Variants in TDRD9 observed in about 807,000 individuals in gnomAD.
TDRD9 encodes ATP-dependent RNA helicase TDRD9.
Under a neutral mutation model 172.6 loss-of-function variants are expected in TDRD9, and 124 were observed. The ratio of observed to expected loss-of-function variants is 0.72; its 90% CI spans 0.62 to 0.83. The LOEUF is 0.83. TDRD9 is among the 40% of genes least tolerant of loss of function. TDRD9 has a pLI of 0.00. For missense variants in TDRD9, 1,479 were observed against 1,714.1 expected (o/e 0.86, Z 2.42); for synonymous variants, 619 against 617.1 (o/e 1.00, Z -0.05).
At chr14:104,005,744 G>T (rs2152217931) in intron 15 of TDRD9, among the ~76,000 whole-genome samples, 1 of 152,326 alleles carries the variant, frequency 6.6e-6, no homozygotes, top group Middle Eastern at 3.4e-3. Flanking sequence ...TACATACTGT[G>T]CTGGGGCTGT....
At chr14:103,956,264 C>A (rs1271127823) in intron 2 of TDRD9, among the ~76,000 whole-genome samples, 2 of 148,962 alleles carry the variant, frequency 1.3e-5, no homozygotes, top group Non-Finnish European at 3.0e-5. Flanking sequence ...AGGGTAAAAC[C>A]CCGTCTCTAC....
At chr14:103,936,729 T>C (rs934998887) in intron 1 of TDRD9, among the ~76,000 whole-genome samples, 3 of 152,254 alleles carry the variant, frequency 2.0e-5, no homozygotes, top group African/African-American at 7.2e-5. Flanking sequence ...TCCTGACTTT[T>C]CAACCTTACT....
chr14:104,023,290 T>G (rs932236446), intron 24 of TDRD9, among the ~76,000 whole-genome samples: 3 of 151,438 alleles, frequency 2.0e-5, no homozygotes, highest in Admixed American at 6.6e-5. Flanking sequence ...TAGTAGGGAT[T>G]AAATCTAATG....
At chr14:103,983,919 T>C (rs1331509545) in intron 7 of TDRD9, among the ~76,000 whole-genome samples, 1 of 152,118 alleles carries the variant, frequency 6.6e-6, no homozygotes, top group Non-Finnish European at 1.5e-5. Flanking sequence ...GCTGAGGTGG[T>C]TTCAGATGGA....
intron 2 of TDRD9, 114 bp from the exon 3 acceptor site, chr14:103,962,965 A>AGT (rs55873775): frequency 0.47 from 182,969 of 393,176 alleles, 21,017 homozygotes; most frequent in Non-Finnish European, 0.5. Context: ...TTTGTATTTG[A>AGT]GTGTGTGTGT....
chr14:103,987,525 G>C (rs2033715784), intron 8 of TDRD9, among the ~76,000 whole-genome samples: 1 of 152,094 alleles, frequency 6.6e-6, no homozygotes, highest in Non-Finnish European at 1.5e-5. Flanking sequence ...GTTTTTAGGA[G>C]TGTGTTGTTT....
intron 3 of TDRD9, among the ~76,000 whole-genome samples, chr14:103,964,566 C>T (rs968010716): frequency 5.9e-5 from 9 of 152,024 alleles, no homozygotes; most frequent in Admixed American, 6.6e-5. Flanking sequence ...CTTGCTCTGT[C>T]GCCAGGCTGG....
Position 103,987,307 on chromosome 14 carries a change from C to A in TDRD9, c.1115+987C>A, listed in dbSNP as rs190424281. 9.9e-5 allele frequency among the ~76,000 whole-genome samples: 15 copies of A among 152,140 alleles called. No individual in the cohort carries two copies. The East Asian group carries it at 2.7e-3, about 27-fold the overall frequency. On this transcript the variant is annotated intron_variant, in intron 8 of 35. Transcript: ENST00000409874. ...TCTACTTAGTAATATGTATTTAGTT[C>A]CCCTTATGTCTTTTCATGGCTTAGA... is the stretch of plus-strand genomic sequence containing the variant.
At chr14:103,946,447 TACTC>T (rs1055767229) in intron 1 of TDRD9, among the ~76,000 whole-genome samples, 1 of 152,206 alleles carries the variant, frequency 6.6e-6, no homozygotes, top group Non-Finnish European at 1.5e-5. Flanking sequence ...GCTAACATCA[TACTC>T]AATGGAAGAT....
chr14:103,958,483 A>C (rs2032351264), intron 2 of TDRD9, among the ~76,000 whole-genome samples: 2 of 152,154 alleles, frequency 1.3e-5, no homozygotes, highest in African/African-American at 4.8e-5. Context: ...TGAATATATC[A>C]CCTTCATGGT....
chr14:103,951,901 G>C (rs2031892679), intron 1 of TDRD9, among the ~76,000 whole-genome samples: 1 of 151,456 alleles, frequency 6.6e-6, no homozygotes, highest in Non-Finnish European at 1.5e-5. Context: ...GGAGTAGCTG[G>C]GACCACAGGC....
At chr14:104,024,977 GA>G (rs1036215373) in intron 25 of TDRD9, among the ~76,000 whole-genome samples, 1 of 151,830 alleles carries the variant, frequency 6.6e-6, no homozygotes, top group East Asian at 1.9e-4. Flanking sequence ...CATGTTAGAG[GA>G]AAAAAAAGTG....
intron 23 of TDRD9, among the ~76,000 whole-genome samples, chr14:104,021,345 A>T (rs994544092): frequency 2.0e-4 from 30 of 152,090 alleles, no homozygotes; most frequent in African/African-American, 7.0e-4. Context: ...GATCTAAACC[A>T]TATCACTTGG....
intron 2 of TDRD9, among the ~76,000 whole-genome samples, chr14:103,957,998 A>C (rs1398318036): frequency 6.6e-6 from 1 of 152,114 alleles, no homozygotes; most frequent in Non-Finnish European, 1.5e-5. Context: ...GGCTTTGGCT[A>C]TTTATGGAGG....
At chr14:103,948,178 AT>A (rs201409204) in intron 1 of TDRD9, among the ~76,000 whole-genome samples, 71 of 145,436 alleles carry the variant, frequency 4.9e-4, no homozygotes, top group Admixed American at 6.2e-4. Flanking sequence ...CGTGCCTGCT[AT>A]TTTTTTTTTT....
chr14:103,985,567 G>A lies in TDRD9; in HGVS notation c.1012-650G>A, dbSNP rs187689628. ...CACAGCCTGACTTGGGGAGTTTGCCGCTTGTGGTTGGTGCCTAGTGTTTGG... is the reference window on the plus strand; with the variant it reads ...CACAGCCTGACTTGGGGAGTTTGCCACTTGTGGTTGGTGCCTAGTGTTTGG... On this transcript the variant is annotated intron_variant, in intron 7 of 35. Transcript: ENST00000409874. Among the ~76,000 whole-genome samples the A allele has an allele frequency of 1.3e-3, 204 of 152,238 alleles. 1 individual carries two copies. Among genetic ancestry groups the A allele is most frequent in the Admixed American group, 3.2e-3 (49 of 15,286 alleles).
chr14:103,941,283 C>A, intron 1 of TDRD9: 1 of 945,334 alleles, frequency 1.1e-6, no homozygotes, highest in Non-Finnish European at 1.5e-6. Context: ...AATTGCTCAC[C>A]AGACATCTAC....
At chr14:104,024,749 TACACACACAC>T (rs60394937) in intron 25 of TDRD9, 69 bp downstream of exon 25, 5,614 of 434,702 alleles carry the variant, frequency 0.013, 38 homozygotes, top group Middle Eastern at 0.054. Flanking sequence ...ACAGGAAGTT[TACACACACAC>T]ACACACACAC....
chr14:103,998,553 A>C (rs2034139435), intron 12 of TDRD9, 71 bp from the exon 13 acceptor site: 1 of 869,104 alleles, frequency 1.2e-6, no homozygotes, highest in Non-Finnish European at 1.9e-6. Flanking sequence ...CTTTATCACT[A>C]TGCATTGTGA....
Sources: gnomAD v4.1 joint callset for allele counts (sites outside exome capture counted in the v4.1 genomes callset) on GRCh38, gnomAD v4.1.1 for gene constraint, MANE v1.5 for transcripts, NCBI Gene and HGNC (gene_info 2026-07-23, HGNC 2026-07-21) for gene names.